Variants in RASGEF1A observed in about 807,000 individuals in gnomAD.
The protein encoded by RASGEF1A is RasGEF domain family member 1A, also known as ras-GEF domain-containing family member 1A.
RASGEF1A carries 18 observed loss-of-function variants against 56.4 expected under a neutral mutation model. That is an observed-to-expected ratio of 0.32 (90% CI 0.22 to 0.47). The LOEUF is 0.47. RASGEF1A is among the 20% of genes least tolerant of loss of function. The pLI is 1.00. For missense variants in RASGEF1A, 422 were observed against 627.1 expected (o/e 0.67, Z 3.49); for synonymous variants, 245 against 242.6 (o/e 1.01, Z -0.09).
At chr10:43,257,350 C>A (rs1400827804) in intron 1 of RASGEF1A, among the ~76,000 whole-genome samples, 1 of 152,262 alleles carries the variant, frequency 6.6e-6, no homozygotes, top group Non-Finnish European at 1.5e-5. Context: ...ACACCCCTCA[C>A]CAGGTGGGCA....
At chr10:43,259,780 G>A (rs1836493851) in intron 1 of RASGEF1A, among the ~76,000 whole-genome samples, 1 of 152,140 alleles carries the variant, frequency 6.6e-6, no homozygotes, top group African/African-American at 2.4e-5. Flanking sequence ...ACCTCCAGGA[G>A]GTGGAGGTGC....
At chr10:43,250,876 T>C (rs1411265572) in intron 1 of RASGEF1A, among the ~76,000 whole-genome samples, 2 of 152,138 alleles carry the variant, frequency 1.3e-5, no homozygotes, top group Admixed American at 1.3e-4. Flanking sequence ...CAAGGCTCAA[T>C]GGACCCAGGC....
intron 1 of RASGEF1A, among the ~76,000 whole-genome samples, chr10:43,219,246 G>A (rs540489163): frequency 2.5e-4 from 38 of 152,346 alleles, no homozygotes; most frequent in African/African-American, 9.1e-4. Context: ...AGAGCCTCCT[G>A]TAGATGGGTG....
intron 1 of RASGEF1A, among the ~76,000 whole-genome samples, chr10:43,240,725 T>C (rs1015214363): frequency 2.6e-5 from 4 of 151,932 alleles, no homozygotes; most frequent in African/African-American, 9.7e-5. Flanking sequence ...ACAGACACCA[T>C]AATGGACACT....
intron 1 of RASGEF1A, among the ~76,000 whole-genome samples, chr10:43,212,967 G>A (rs1257290951): frequency 6.6e-6 from 1 of 152,222 alleles, no homozygotes; most frequent in African/African-American, 2.4e-5. Flanking sequence ...GAGAGTGGAG[G>A]TCACTATGTT....
chr10:43,241,516 A>G (rs1442434301), intron 1 of RASGEF1A, among the ~76,000 whole-genome samples: 2 of 152,224 alleles, frequency 1.3e-5, no homozygotes, highest in Non-Finnish European at 2.9e-5. Context: ...TAAGATATTA[A>G]TTATAACCCT....
chr10:43,245,811 A>C (rs1840561488), intron 1 of RASGEF1A, among the ~76,000 whole-genome samples: 1 of 152,206 alleles, frequency 6.6e-6, no homozygotes, highest in Admixed American at 6.5e-5. Flanking sequence ...ATCACAGTTA[A>C]TTGTAGAAGA....
Position 43,195,509 on chromosome 10 carries a change from C to A in RASGEF1A, c.*735G>T. ...AACTGACAACTCCATGCTTCCCTCCCTTACCTTATTTTAGATTTCCTCCTT... is the reference window on the plus strand; with the variant it reads ...AACTGACAACTCCATGCTTCCCTCCATTACCTTATTTTAGATTTCCTCCTT... On this transcript the variant is annotated 3_prime_UTR_variant, in exon 13 of 13. Coordinates refer to ENST00000395810, the MANE Select transcript of RASGEF1A (RefSeq NM_145313.4). The surrounding 1 kb of genome is among the most constrained non-coding windows in gnomAD (Gnocchi z 4.2). 1 of 152,514 alleles carries A rather than the reference C, an allele frequency of 6.6e-6. No individual in the cohort carries two copies. 9.4% of individuals were successfully genotyped at this position (152,514 alleles called of 1,614,324 possible).
chr10:43,212,702 C>T (rs1414921529), intron 1 of RASGEF1A, among the ~76,000 whole-genome samples: 3 of 152,238 alleles, frequency 2.0e-5, no homozygotes, highest in Non-Finnish European at 2.9e-5. Context: ...CTCTGCTCAG[C>T]CTGGGTGAGG....
At chr10:43,246,221 G>A (rs1840566060) in intron 1 of RASGEF1A, among the ~76,000 whole-genome samples, 2 of 152,124 alleles carry the variant, frequency 1.3e-5, no homozygotes, top group South Asian at 4.1e-4. Flanking sequence ...TATAAGACTT[G>A]TACACTAAAA....
At chr10:43,244,959 TAGAGTGAA>T (rs1168920459) in intron 1 of RASGEF1A, among the ~76,000 whole-genome samples, 2 of 151,378 alleles carry the variant, frequency 1.3e-5, no homozygotes, top group South Asian at 2.1e-4. Flanking sequence ...AAGAAAATAC[TAGAGTGAA>T]AGTAAATGAA....
intron 1 of RASGEF1A, among the ~76,000 whole-genome samples, chr10:43,266,444 G>A (rs1238066715): frequency 2.6e-5 from 4 of 151,914 alleles, no homozygotes; most frequent in African/African-American, 9.7e-5. Flanking sequence ...GCGCAGCCCT[G>A]AGCTCCTCCG....
intron 1 of RASGEF1A, among the ~76,000 whole-genome samples, chr10:43,215,568 CCCTTCA>C (rs1370092700): frequency 6.6e-6 from 1 of 152,192 alleles, no homozygotes; most frequent in African/African-American, 2.4e-5. Flanking sequence ...GGGCTCTTCG[CCCTTCA>C]AGGGATAACC....
intron 1 of RASGEF1A, among the ~76,000 whole-genome samples, chr10:43,245,594 C>T (rs182217709): frequency 1.9e-4 from 29 of 152,258 alleles, no homozygotes; most frequent in East Asian, 1.9e-4. Context: ...CTAAGCCATA[C>T]GTATTCAAGG....
At position 43,221,566 on chromosome 10, in the gene RASGEF1A, G is replaced by A. The variant is rs929211242; in HGVS notation, c.-6-15444C>T. Among the ~76,000 whole-genome samples the A allele has an allele frequency of 7.1e-4, 108 of 152,364 alleles. 1 individual carries two copies. The highest frequency in any genetic ancestry group is 2.4e-3 in the African/African-American group (100 of 41,584). Reference sequence around the variant, plus strand: ...GCACAGGGCTCCGGAGAAGGAGAATGGTGTGAGGTGACAGCAGGGGGAGCC... The same window carrying A: ...GCACAGGGCTCCGGAGAAGGAGAATAGTGTGAGGTGACAGCAGGGGGAGCC... On this transcript the variant is annotated intron_variant, in intron 1 of 12. Transcript: ENST00000395810.
intron 1 of RASGEF1A, among the ~76,000 whole-genome samples, chr10:43,253,642 G>C (rs1840651813): frequency 6.6e-6 from 1 of 152,216 alleles, no homozygotes; most frequent in South Asian, 2.1e-4. Flanking sequence ...AAGGCCCAGA[G>C]GGGGCTCTAG....
At chr10:43,241,890 C>T (rs376664664) in intron 1 of RASGEF1A, among the ~76,000 whole-genome samples, 17 of 152,298 alleles carry the variant, frequency 1.1e-4, no homozygotes, top group Middle Eastern at 3.4e-3. Flanking sequence ...GTAATCCCAG[C>T]ACTTTGGGAG....
chr10:43,259,873 G>C (rs1836495135), intron 1 of RASGEF1A, among the ~76,000 whole-genome samples: 1 of 152,088 alleles, frequency 6.6e-6, no homozygotes, highest in Admixed American at 6.5e-5. Flanking sequence ...CACTCACAAA[G>C]GCAGGAAGGG....
chr10:43,200,641 C>T (rs758066293), intron 5 of RASGEF1A, 26 bp downstream of exon 5: 1 of 1,587,468 alleles, frequency 6.3e-7, no homozygotes, highest in South Asian at 1.1e-5. Context: ...CCCCCACCCC[C>T]AGTCAGGGCA....
Sources: gnomAD v4.1 joint callset for allele counts (sites outside exome capture counted in the v4.1 genomes callset) on GRCh38, gnomAD v4.1.1 for gene constraint, Gnocchi (gnomAD v3.1) non-coding constraint, MANE v1.5 for transcripts, NCBI Gene and HGNC (gene_info 2026-07-23, HGNC 2026-07-21) for gene names.